The following AKAP13 variants were observed in gnomAD, a reference collection of about 807,000 sequenced individuals.
AKAP13 encodes A-kinase anchoring protein 13.
In AKAP13, 80 loss-of-function variants were observed where a neutral mutation model predicts 264.5. That is an observed-to-expected ratio of 0.30 (90% CI 0.25 to 0.36). AKAP13 has a LOEUF of 0.36. AKAP13 is among the 10% of genes least tolerant of loss of function. AKAP13 has a pLI of 1.00. For missense variants in AKAP13, 3,712 were observed against 3,435.2 expected, an observed-to-expected ratio of 1.08 and a Z score of -2.01; for synonymous variants, 1,380 against 1,250.2, an observed-to-expected ratio of 1.10 and a Z score of -2.19.
intron 1 of AKAP13, among the ~76,000 whole-genome samples, chr15:85,402,732 C>G (rs2071484099): frequency 1.3e-5 from 2 of 151,824 alleles, no homozygotes; most frequent in Admixed American, 6.6e-5. Flanking sequence ...CTGGGGTGGT[C>G]TTGTGAAGTA....
At chr15:85,650,779 A>AAAAAAAAAAAACAAC (rs1388242978) in intron 10 of AKAP13, among the ~76,000 whole-genome samples, 1 of 145,848 alleles carries the variant, frequency 6.9e-6, no homozygotes, top group South Asian at 2.1e-4. Context: ...AAAAAAAAAA[A>AAAAAAAAAAAACAAC]AAAAAAAAAA....
At chr15:85,622,139 C>T (rs1172581433) in intron 8 of AKAP13, among the ~76,000 whole-genome samples, 1 of 152,018 alleles carries the variant, frequency 6.6e-6, no homozygotes, top group Non-Finnish European at 1.5e-5. Flanking sequence ...AGTCTTTATC[C>T]CATTATTGCT....
chr15:85,706,615 C>CTG (rs1411661104), intron 17 of AKAP13, among the ~76,000 whole-genome samples: 1 of 152,190 alleles, frequency 6.6e-6, no homozygotes, highest in Non-Finnish European at 1.5e-5. Context: ...GTTTGACATA[C>CTG]TGTAATCAAG....
At position 85,713,028 on chromosome 15, in the gene AKAP13, A is replaced by G. The variant is rs74422709; in HGVS notation, c.5599+2383A>G. Among the ~76,000 whole-genome samples the G allele has an allele frequency of 5.3e-5, 8 of 152,360 alleles. No individual in the cohort carries two copies. In the East Asian group the frequency reaches 1.3e-3, roughly 26 times the overall value. ...CTCTGTAAAAGGGGACGATAATAGT[A>G]TCATAGGGTGGTAGTCAGGTTTAAA... is the stretch of plus-strand genomic sequence containing the variant. On this transcript the variant is annotated intron_variant, in intron 19 of 36. Coordinates refer to ENST00000394518, the MANE Select transcript of AKAP13 (RefSeq NM_007200.5).
At chr15:85,485,146 A>C (rs893876508) in intron 1 of AKAP13, among the ~76,000 whole-genome samples, 9 of 152,216 alleles carry the variant, frequency 5.9e-5, no homozygotes, top group African/African-American at 1.9e-4. Flanking sequence ...GATTTTTATG[A>C]GAATTCATTT....
rs764051062 is a variant in AKAP13 at position 85,747,607 on chromosome 15, G to A, written c.*2930G>A. ...AATTCCAGTCATCTCAGTCGTTGTC[G>A]TTAGGTGACATGTGCACTTTAAATG... On this transcript the variant is annotated 3_prime_UTR_variant, in exon 37 of 37. Transcript: ENST00000394518. 6 of 152,698 alleles carry A rather than the reference G, an allele frequency of 3.9e-5. No individual in the cohort carries two copies. The highest frequency in any genetic ancestry group is 1.9e-4 in the East Asian group (1 of 5,184). The allele number at this position is 152,698 out of a possible 1,614,324, so 9.5% of individuals were successfully genotyped here.
At chr15:85,459,920 C>G (rs2074441952) in intron 1 of AKAP13, among the ~76,000 whole-genome samples, 1 of 152,200 alleles carries the variant, frequency 6.6e-6, no homozygotes, top group African/African-American at 2.4e-5. Context: ...TGCTACCTTT[C>G]AAATATTTCT....
rs2087484220 is a variant in AKAP13 at position 85,724,512 on chromosome 15, T to A, written c.6745+1192T>A. On this transcript the variant is annotated intron_variant, in intron 26 of 36. Coordinates refer to ENST00000394518, the MANE Select transcript of AKAP13 (RefSeq NM_007200.5). The surrounding 1 kb of genome is among the most constrained non-coding windows in gnomAD (Gnocchi z 4.2). The stretch of plus-strand genomic sequence containing the variant: ...CCAGGGAAGAGTGGACACCCGGGAC[T>A]CTCACGTGAGAGAGCAGAGTGAATG... Among the ~76,000 whole-genome samples, 1 of 15,818 alleles carries A rather than the reference T, an allele frequency of 6.3e-5. No individual in the cohort carries two copies. Among genetic ancestry groups the A allele is most frequent in the Non-Finnish European group, 1.0e-4 (1 of 9,684 alleles). 10.4% of individuals were successfully genotyped at this position (15,818 alleles called of 152,430 possible). A position where few individuals can be genotyped will look rare whatever the true frequency, so the allele number is the denominator to read the frequency against.
intron 1 of AKAP13, among the ~76,000 whole-genome samples, chr15:85,447,337 A>T (rs1487835280): frequency 6.6e-6 from 1 of 152,076 alleles, no homozygotes; most frequent in East Asian, 1.9e-4. Context: ...AATGGATAGG[A>T]TATGGACCTG....
intron 8 of AKAP13, among the ~76,000 whole-genome samples, chr15:85,630,933 G>A (rs2081757704): frequency 1.3e-5 from 2 of 151,442 alleles, no homozygotes; most frequent in Admixed American, 1.3e-4. Context: ...ATGCCCAGGA[G>A]AATTGAAAAC....
chr15:85,395,447 G>A (rs1264223699), intron 1 of AKAP13, among the ~76,000 whole-genome samples: 1 of 152,062 alleles, frequency 6.6e-6, no homozygotes, highest in African/African-American at 2.4e-5. Flanking sequence ...TTTCTGTTCT[G>A]CCAAGATTTA....
In AKAP13 at chr15:85,715,840, C is replaced by T. The variant is rs1391572905; in HGVS notation, c.5652C>T (p.Thr1884=). ...CCGCAGTCCTCCTGGTGGATGAAAC[C>T]GCTACCACCCCAATATTTGCCAATA... The part of the protein sequence containing the change: ...PRSAVLLVDE[T]ATTPIFANRR... The change falls in exon 20 of 37, where the codon ACC becomes ACT. Residue 1884 remains threonine (T), a synonymous_variant. Coordinates refer to ENST00000394518, the MANE Select transcript of AKAP13 (RefSeq NM_007200.5). 39 of 1,613,132 alleles carry T rather than the reference C, an allele frequency of 2.4e-5. No homozygotes were observed. The highest frequency in any genetic ancestry group is 3.3e-5 in the South Asian group (3 of 90,998).
At chr15:85,680,444 T>C (rs1419419223) in intron 14 of AKAP13, among the ~76,000 whole-genome samples, 2 of 152,178 alleles carry the variant, frequency 1.3e-5, no homozygotes, top group Non-Finnish European at 2.9e-5. Context: ...GTTGTTACCA[T>C]GTGTTGTAAG....
chr15:85,507,142 CTG>C (rs1360060527), intron 2 of AKAP13, among the ~76,000 whole-genome samples: 1 of 152,094 alleles, frequency 6.6e-6, no homozygotes, highest in Non-Finnish European at 1.5e-5. Flanking sequence ...ATCACTGTAA[CTG>C]TATGTTGGCA....
intron 8 of AKAP13, among the ~76,000 whole-genome samples, chr15:85,630,262 CACACAA>C (rs1205970972): frequency 1.3e-5 from 2 of 150,670 alleles, no homozygotes; most frequent in African/African-American, 2.4e-5. Flanking sequence ...CACACACACA[CACACAA>C]ACACAATGAA....
intron 12 of AKAP13, among the ~76,000 whole-genome samples, chr15:85,659,132 T>G (rs2083226442): frequency 6.6e-6 from 1 of 152,250 alleles, no homozygotes; most frequent in Admixed American, 6.5e-5. Context: ...AGTTCATTCC[T>G]TGGCCTTTGA....
At chr15:85,569,143 A>G (rs779417643) in intron 5 of AKAP13, among the ~76,000 whole-genome samples, 6 of 152,204 alleles carry the variant, frequency 3.9e-5, no homozygotes, top group African/African-American at 7.2e-5. Context: ...AGTAACATAA[A>G]ATTGAGGTTT....
At chr15:85,525,786 T>C (rs2077018356) in intron 3 of AKAP13, among the ~76,000 whole-genome samples, 1 of 152,206 alleles carries the variant, frequency 6.6e-6, no homozygotes, top group South Asian at 2.1e-4. Context: ...CTGGACATCC[T>C]TTGAAGATAA....
chr15:85,542,359 C>T (rs2077603548), intron 4 of AKAP13, among the ~76,000 whole-genome samples: 1 of 152,118 alleles, frequency 6.6e-6, no homozygotes, highest in African/African-American at 2.4e-5. Context: ...ATTGTGCTTC[C>T]AAGGAAATTT....
Sources: allele counts gnomAD v4.1 joint callset (sites outside exome capture counted in the v4.1 genomes callset), GRCh38; gene constraint gnomAD v4.1.1; non-coding constraint Gnocchi (gnomAD v3.1); transcripts MANE v1.5; gene names NCBI Gene and HGNC (gene_info 2026-07-23, HGNC 2026-07-21).